EFCAB11: variants seen among roughly 807,000 people sequenced by gnomAD.
The protein encoded by EFCAB11 is EF-hand calcium-binding domain-containing protein 11.
Under a neutral mutation model 23.0 loss-of-function variants are expected in EFCAB11, and 14 were observed. The observed-to-expected ratio is 0.61, with a 90% CI of 0.40 to 0.95. EFCAB11 has a LOEUF of 0.95. Among genes scored for constraint, EFCAB11 ranks in the 40% least tolerant of loss-of-function variants. The pLI is 0.00. For missense variants in EFCAB11, 198 were observed against 195.8 expected (o/e 1.01, Z -0.07); for synonymous variants, 65 against 66.6 (o/e 0.98, Z 0.11).
chr14:89,937,655 A>T (rs1369651177), intron 3 of EFCAB11, among the ~76,000 whole-genome samples: 1 of 152,068 alleles, frequency 6.6e-6, no homozygotes, highest in African/African-American at 2.4e-5. Context: ...CCTCCCGAGT[A>T]GCTGGGATTA....
chr14:89,836,593 C>T (rs1309705220), intron 5 of EFCAB11: 2 of 456,748 alleles, frequency 4.4e-6, no homozygotes, highest in Non-Finnish European at 8.8e-6. Flanking sequence ...AGATGTTCCA[C>T]ATGAACCTCC....
rs142298303 is a variant in EFCAB11, at chr14:89,938,323, G to C, written c.218-5696C>G. On this transcript the variant is annotated intron_variant, in intron 3 of 5. Transcript: ENST00000316738. ...ATGCTTAAAAATTAGGGTTTAAAAG[G>C]ATGAAGCAGTCTTTCAAAAGACATA... Among the ~76,000 whole-genome samples, 430 of 152,238 alleles carry C rather than the reference G, an allele frequency of 2.8e-3. 2 individuals are homozygous for C. The highest frequency in any genetic ancestry group is 1.0e-2 in the African/African-American group (415 of 41,544).
Position 89,794,834 on chromosome 14 carries a change from TC to T in EFCAB11, c.*2408del, listed in dbSNP as rs1885520784. The T allele has an allele frequency of 6.6e-6, 1 of 152,148 alleles. No individual in the cohort carries two copies. Among genetic ancestry groups the T allele is most frequent in the Non-Finnish European group, 1.5e-5 (1 of 68,028 alleles). The allele number at this position is 152,148 out of a possible 1,614,324, so 9.4% of individuals were successfully genotyped here. On this transcript the variant is annotated 3_prime_UTR_variant, in exon 6 of 6. Coordinates refer to ENST00000316738, the MANE Select transcript of EFCAB11 (RefSeq NM_145231.4). Reference sequence around the variant, plus strand: ...AAAAATTGTGAAAATAGTAGAGGGTTCCCATATACCTCACCCAGTTTCCCCT... The same window carrying T: ...AAAAATTGTGAAAATAGTAGAGGGTTCCATATACCTCACCCAGTTTCCCCT...
chr14:89,852,705 T>A lies in EFCAB11; in HGVS notation c.411-55381A>T, dbSNP rs1035012701. Among the ~76,000 whole-genome samples, 7 of 152,342 alleles carry A rather than the reference T, an allele frequency of 4.6e-5. No individual in the cohort carries two copies. The South Asian group carries it at 1.4e-3, about 32-fold the overall frequency. On this transcript the variant is annotated intron_variant, in intron 5 of 5. Coordinates refer to ENST00000316738, the MANE Select transcript of EFCAB11 (RefSeq NM_145231.4). The stretch of plus-strand genomic sequence containing the variant: ...GTTTTATTCCTCGCACACCTCAATC[T>A]TTAACAGCTATTTTATCCACAGCTA...
chr14:89,932,833 T>C (rs189375933), intron 3 of EFCAB11, among the ~76,000 whole-genome samples: 1 of 152,252 alleles, frequency 6.6e-6, no homozygotes, highest in Non-Finnish European at 1.5e-5. Flanking sequence ...GATCCAACAC[T>C]AGAAATCAAT....
intron 3 of EFCAB11, among the ~76,000 whole-genome samples, chr14:89,942,281 C>A (rs1441141478): frequency 6.6e-6 from 1 of 152,166 alleles, no homozygotes; most frequent in East Asian, 1.9e-4. Flanking sequence ...ATATAACAAT[C>A]ATCACAGATG....
chr14:89,862,335 C>T lies in EFCAB11; in HGVS notation c.411-65011G>A, dbSNP rs568619189. On this transcript the variant is annotated intron_variant, in intron 5 of 5. Coordinates refer to ENST00000316738, the MANE Select transcript of EFCAB11 (RefSeq NM_145231.4). ...GCATTTTTTTTTATTAGAAAAACCA[C>T]TGGGACAAAAATCTTTTAAACATTT... is the stretch of plus-strand genomic sequence containing the variant. 1.8e-3 allele frequency among the ~76,000 whole-genome samples: 279 copies of T among 152,172 alleles called. 3 individuals are homozygous for T. The highest frequency in any genetic ancestry group is 7.3e-3 in the South Asian group (35 of 4,822).
chr14:89,805,584 C>T (rs1427295350), intron 5 of EFCAB11, among the ~76,000 whole-genome samples: 3 of 152,172 alleles, frequency 2.0e-5, no homozygotes, highest in African/African-American at 7.2e-5. Flanking sequence ...ATAATTTGTG[C>T]ACAGGCTTTT....
At chr14:89,837,252 T>C in intron 5 of EFCAB11, 2 of 389,128 alleles carry the variant, frequency 5.1e-6, no homozygotes, top group South Asian at 1.9e-5. Flanking sequence ...TGCCTTGCCC[T>C]GTGCCCTTCT....
At chr14:89,885,322 A>G (rs1888719240) in intron 5 of EFCAB11, among the ~76,000 whole-genome samples, 1 of 152,222 alleles carries the variant, frequency 6.6e-6, no homozygotes, top group Non-Finnish European at 1.5e-5. Context: ...AAGACTTAAA[A>G]CATTTTGGCA....
At chr14:89,815,098 C>G (rs148334737) in intron 5 of EFCAB11, among the ~76,000 whole-genome samples, 3 of 152,212 alleles carry the variant, frequency 2.0e-5, no homozygotes, top group Non-Finnish European at 4.4e-5. Flanking sequence ...TTCACAGTCA[C>G]GCAGAATTAG....
At chr14:89,834,021 A>C (rs1886970782) in intron 5 of EFCAB11, among the ~76,000 whole-genome samples, 1 of 152,204 alleles carries the variant, frequency 6.6e-6, no homozygotes, top group Admixed American at 6.5e-5. Flanking sequence ...AGTTGCAATA[A>C]GTAATACATC....
At chr14:89,868,930 G>A (rs1888182514) in intron 5 of EFCAB11, among the ~76,000 whole-genome samples, 1 of 152,118 alleles carries the variant, frequency 6.6e-6, no homozygotes, top group Non-Finnish European at 1.5e-5. Flanking sequence ...GTATGTTAAA[G>A]AAATATAGCT....
At position 89,892,013 on chromosome 14, in the gene EFCAB11, C is replaced by G. The variant is rs1292458134; in HGVS notation, c.410+39528G>C. ...GCTCTGGGACACCGCGGGCCACGAGCGCTTCAGCTGCATCACCGGGTCCTT... is the reference window on the plus strand; with the variant it reads ...GCTCTGGGACACCGCGGGCCACGAGGGCTTCAGCTGCATCACCGGGTCCTT... On this transcript the variant is annotated intron_variant, in intron 5 of 5. Coordinates refer to ENST00000316738, the MANE Select transcript of EFCAB11 (RefSeq NM_145231.4). 5.9e-6 allele frequency: 9 copies of G among 1,523,342 alleles called. No individual in the cohort carries two copies. The Admixed American group carries it at 1.8e-4, about 31-fold the overall frequency. 94.4% of individuals were successfully genotyped at this position (1,523,342 alleles called of 1,614,324 possible).
chr14:89,831,996 C>A (rs1566775717), intron 5 of EFCAB11, among the ~76,000 whole-genome samples: 1 of 152,020 alleles, frequency 6.6e-6, no homozygotes, highest in Non-Finnish European at 1.5e-5. Flanking sequence ...AGGCAAGGGG[C>A]AGGCATAACT....
intron 5 of EFCAB11, among the ~76,000 whole-genome samples, chr14:89,856,818 T>A (rs1887769716): frequency 6.6e-6 from 1 of 152,244 alleles, no homozygotes; most frequent in African/African-American, 2.4e-5. Context: ...GAGTCCTTTA[T>A]CAATTTTAGA....
At chr14:89,818,437 A>G (rs1886402237) in intron 5 of EFCAB11, among the ~76,000 whole-genome samples, 1 of 152,024 alleles carries the variant, frequency 6.6e-6, no homozygotes, top group South Asian at 2.1e-4. Context: ...AGAGGGAAAG[A>G]GGACGTAGGG....
chr14:89,832,963 T>C (rs1454572909), intron 5 of EFCAB11: 1 of 152,198 alleles, frequency 6.6e-6, no homozygotes, highest in Non-Finnish European at 1.5e-5. Context: ...ATTAACAGAA[T>C]TTTCCCCACA....
chr14:89,898,479 C>G (rs1450595705), intron 5 of EFCAB11, among the ~76,000 whole-genome samples: 1 of 152,054 alleles, frequency 6.6e-6, no homozygotes, highest in African/African-American at 2.4e-5. Context: ...ATTCTCTTGC[C>G]TCACCCTCCT....
Sources: gnomAD v4.1 joint callset for allele counts (sites outside exome capture counted in the v4.1 genomes callset) on GRCh38, gnomAD v4.1.1 for gene constraint, MANE v1.5 for transcripts, NCBI Gene and HGNC (gene_info 2026-07-23, HGNC 2026-07-21) for gene names.